The following DENND3 variants were observed in gnomAD, a reference collection of about 807,000 sequenced individuals.
DENND3 encodes DENN domain-containing protein 3.
Under a neutral mutation model 135.1 loss-of-function variants are expected in DENND3, and 88 were observed. That is an observed-to-expected ratio of 0.65 (90% CI 0.55 to 0.78). The LOEUF (loss-of-function observed/expected upper bound fraction) is 0.78. Among genes scored for constraint, DENND3 ranks in the 30% least tolerant of loss-of-function variants. DENND3 has a pLI of 0.00. For synonymous variants in DENND3, 693 were observed against 712.3 expected (o/e 0.97, Z 0.43); for missense variants, 1,392 against 1,688.4 (o/e 0.82, Z 3.08).
At position 141,180,732 on chromosome 8, in the gene DENND3, T is replaced by C. The variant is rs1321758139; in HGVS notation, c.2837-15T>C. 6.2e-7 allele frequency: 1 copy of C among 1,610,028 alleles called. No individual in the cohort carries two copies. Among genetic ancestry groups the C allele is most frequent in the South Asian group, 1.1e-5 (1 of 90,262 alleles). Reference sequence around the variant, plus strand: ...GAGGCTGCAACAGTAACACTCCAAGTGTCTTGTCTTTCAGTGCCCATGACG... The same window carrying C: ...GAGGCTGCAACAGTAACACTCCAAGCGTCTTGTCTTTCAGTGCCCATGACG... On this transcript the variant is annotated splice_polypyrimidine_tract_variant and intron_variant, in intron 16 of 22. Transcript: ENST00000519811.
At chr8:141,173,034 C>T (rs777547029) in intron 13 of DENND3, among the ~76,000 whole-genome samples, 120 of 151,066 alleles carry the variant, frequency 7.9e-4, no homozygotes, top group Non-Finnish European at 1.2e-3. Context: ...GGCTGAGGCA[C>T]CCCAGTCAGA....
chr8:141,170,377 G>A (rs1821381515), intron 13 of DENND3, among the ~76,000 whole-genome samples: 1 of 152,128 alleles, frequency 6.6e-6, no homozygotes, highest in Admixed American at 6.5e-5. Context: ...GTGTATGTGT[G>A]TATATGAATG....
At chr8:141,155,531 G>A (rs1428162705) in intron 7 of DENND3, among the ~76,000 whole-genome samples, 1 of 151,938 alleles carries the variant, frequency 6.6e-6, no homozygotes, top group Non-Finnish European at 1.5e-5. Context: ...AGCCTCCCAA[G>A]TAGCTGGGAC....
chr8:141,149,179 G>A (rs965082005), intron 5 of DENND3, among the ~76,000 whole-genome samples: 2 of 152,154 alleles, frequency 1.3e-5, no homozygotes, highest in South Asian at 4.1e-4. Context: ...CAAAGTGCTG[G>A]GATTATAGGC....
At chr8:141,136,417 G>A in intron 1 of DENND3, 92 bp from the exon 2 acceptor site, 2 of 1,319,858 alleles carry the variant, frequency 1.5e-6, no homozygotes, top group Non-Finnish European at 2.0e-6. Flanking sequence ...ACCGAGGGGA[G>A]GAGAAAAACA....
At chr8:141,176,398 C>T in intron 14 of DENND3, 193 bp from the exon 15 acceptor site, 1 of 642,748 alleles carries the variant, frequency 1.6e-6, no homozygotes, top group Non-Finnish European at 2.7e-6. Flanking sequence ...AGGTGCCGCA[C>T]CGCAGGTGAA....
At chr8:141,142,854 AC>A (rs1382866456) in intron 4 of DENND3, 5 of 160,220 alleles carry the variant, frequency 3.1e-5, no homozygotes, top group African/African-American at 1.2e-4. Flanking sequence ...TGGTCGCCAG[AC>A]ACATGCCCTT....
At chr8:141,156,569 CTCAT>C (rs58494858) in intron 8 of DENND3, among the ~76,000 whole-genome samples, 223 of 152,138 alleles carry the variant, frequency 1.5e-3, no homozygotes, top group African/African-American at 4.9e-3. Flanking sequence ...CATTCATTCA[CTCAT>C]TCATTCATTC....
chr8:141,175,251 G>A lies in DENND3; in HGVS notation c.2327G>A (p.Trp776Ter). Residue 776 changes from tryptophan (W) to a stop codon, truncating the protein, a stop_gained, in exon 14 of 23, where the codon TGG becomes TAG. Coordinates refer to ENST00000519811, the MANE Select transcript of DENND3 (RefSeq NM_001352890.3). LOFTEE classifies it high-confidence loss of function. The surrounding 1 kb of genome is among the most constrained non-coding windows in gnomAD (Gnocchi z 5.4). ...ACATTCAAAGATTTCTACAACTGCTGGAAGGAGACGGAAGCAGAAGCCCAG... is the reference window on the plus strand; with the variant it reads ...ACATTCAAAGATTTCTACAACTGCTAGAAGGAGACGGAAGCAGAAGCCCAG... ...PETFKDFYNC[W>*]KETEAEAQEV... 1 of 1,614,214 alleles carries A rather than the reference G, an allele frequency of 6.2e-7. No homozygotes were observed. The highest frequency in any genetic ancestry group is 8.5e-7 in the Non-Finnish European group (1 of 1,180,046).
intron 16 of DENND3, among the ~76,000 whole-genome samples, chr8:141,180,265 C>T (rs1403671553): frequency 1.3e-5 from 2 of 152,336 alleles, no homozygotes; most frequent in African/African-American, 4.8e-5. Flanking sequence ...TCGCCCACAG[C>T]CAGGATTATC....
chr8:141,144,159 T>A lies in DENND3; in HGVS notation c.635T>A (p.Leu212His), dbSNP rs2154612821. The A allele has an allele frequency of 6.2e-7, 1 of 1,610,754 alleles. No homozygotes were observed. Residue 212 changes from leucine (L) to histidine (H), a missense_variant, in exon 5 of 23, where the codon CTT becomes CAT. Leu to His is a moderately conservative substitution (Grantham distance 99, BLOSUM62 -3). Coordinates refer to ENST00000519811, the MANE Select transcript of DENND3 (RefSeq NM_001352890.3). The surrounding 1 kb of genome is among the most constrained non-coding windows in gnomAD (Gnocchi z 4.4). The part of the protein sequence containing the change: ...LKDCLSCLLA[L>H]LKPCKDFEVD... The stretch of plus-strand genomic sequence containing the variant: ...GTTTCGAATTTCAGTTTATTGGCTC[T>A]TCTGAAGCCCTGTAAAGATTTTGAA...
In DENND3 at chr8:141,139,362, G is replaced by T. The variant is rs1417320969; in HGVS notation, c.501+1225G>T. Among the ~76,000 whole-genome samples, 1 of 152,206 alleles carries T rather than the reference G, an allele frequency of 6.6e-6. No homozygotes were observed. Among genetic ancestry groups the T allele is most frequent in the African/African-American group, 2.4e-5 (1 of 41,442 alleles). On this transcript the variant is annotated intron_variant, in intron 3 of 22. Transcript: ENST00000519811. The surrounding 1 kb of genome is among the most constrained non-coding windows in gnomAD (Gnocchi z 4.2). ...CCGGATGTTCTTAATGAATATGCAG[G>T]AGCAAAGCGTACTACTTGATGCTCT...
chr8:141,155,805 G>C (rs561296192), intron 7 of DENND3, 44 bp from the exon 8 acceptor site: 1 of 1,541,606 alleles, frequency 6.5e-7, no homozygotes, highest in Admixed American at 2.1e-5. Context: ...TACAAATTCC[G>C]AAATTCTTTT....
chr8:141,178,231 C>A, intron 16 of DENND3, 35 bp downstream of exon 16: 1 of 1,587,266 alleles, frequency 6.3e-7, no homozygotes. Flanking sequence ...GGATCATTGT[C>A]CTGATTACAC....
chr8:141,193,937 G>A (rs867661049), intron 22 of DENND3, 96 bp from the exon 23 acceptor site: 2 of 1,343,094 alleles, frequency 1.5e-6, no homozygotes, highest in Middle Eastern at 2.5e-4. Context: ...CATAGATTTG[G>A]AGGCACACGC....
At chr8:141,145,598 G>A (rs1328602014) in intron 5 of DENND3, among the ~76,000 whole-genome samples, 1 of 151,892 alleles carries the variant, frequency 6.6e-6, no homozygotes, top group African/African-American at 2.4e-5. Flanking sequence ...TCCTAAAGGT[G>A]AAAAGTTAAA....
chr8:141,136,657 T>G lies in DENND3; in HGVS notation c.251T>G (p.Leu84Trp), dbSNP rs1208064375. The change falls in exon 2 of 23, where the codon TTG becomes TGG. Residue 84 changes from leucine (L) to tryptophan (W), a missense_variant. Leu to Trp is a moderately conservative substitution (Grantham distance 61). Transcript: ENST00000519811. ...GTLGKTRMRS[L>W]RKKREKPRPE... ...CTCGGTAAAACCCGGATGCGCTCCT[T>G]GAGAAAGAAGAGAGAGAAGCCCAGA... The G allele has an allele frequency of 6.2e-7, 1 of 1,612,856 alleles. No homozygotes were observed. The highest frequency in any genetic ancestry group is 1.1e-5 in the South Asian group (1 of 90,682).
At chr8:141,170,572 C>T (rs185392178) in intron 13 of DENND3, among the ~76,000 whole-genome samples, 880 of 152,202 alleles carry the variant, frequency 5.8e-3, no homozygotes, top group Middle Eastern at 0.01. Context: ...TTGTGGAGTC[C>T]GATGAGGGTG....
At chr8:141,189,614 G>T (rs548976211) in intron 19 of DENND3, among the ~76,000 whole-genome samples, 2 of 148,604 alleles carry the variant, frequency 1.3e-5, no homozygotes, top group African/African-American at 2.4e-5. Flanking sequence ...TTGAGCAGAG[G>T]CTCATGGTGG....
Sources: gnomAD v4.1 joint callset for allele counts (sites outside exome capture counted in the v4.1 genomes callset) on GRCh38, gnomAD v4.1.1 for gene constraint, Gnocchi (gnomAD v3.1) non-coding constraint, MANE v1.5 for transcripts, NCBI Gene and HGNC (gene_info 2026-07-23, HGNC 2026-07-21) for gene names.